The following ASTN2 variants were observed in gnomAD, a reference collection of about 807,000 sequenced individuals.
The protein encoded by ASTN2 is astrotactin 2.
Under a neutral mutation model 139.8 loss-of-function variants are expected in ASTN2, and 54 were observed. The observed-to-expected ratio is 0.39, with a 90% CI of 0.31 to 0.48. ASTN2 has a LOEUF of 0.48. Among genes scored for constraint, ASTN2 ranks in the 20% least tolerant of loss-of-function variants. The probability of loss-of-function intolerance (pLI) is 0.95; values close to 1 mark genes in which losing one functional copy is unlikely to be tolerated. For synonymous variants in ASTN2, 756 were observed against 719.5 expected (o/e 1.05, Z -0.81); for missense variants, 1,565 against 1,725.1 (o/e 0.91, Z 1.64).
At chr9:116,647,157 G>A (rs1282847515) in intron 17 of ASTN2, among the ~76,000 whole-genome samples, 2 of 151,964 alleles carry the variant, frequency 1.3e-5, no homozygotes, top group African/African-American at 2.4e-5. Context: ...CTTAATACAC[G>A]CTTGCAATCC....
chr9:116,955,575 G>A (rs1835683142), intron 10 of ASTN2, among the ~76,000 whole-genome samples: 1 of 152,216 alleles, frequency 6.6e-6, no homozygotes, highest in Non-Finnish European at 1.5e-5. Flanking sequence ...TATCTTCTGA[G>A]CAGGGCTCTG....
chr9:116,633,256 C>A (rs548480555), intron 17 of ASTN2, among the ~76,000 whole-genome samples: 1 of 152,196 alleles, frequency 6.6e-6, no homozygotes, highest in Non-Finnish European at 1.5e-5. Context: ...GAGTCATCTT[C>A]CCAAGGCATC....
chr9:117,033,904 A>G (rs1479781096), intron 6 of ASTN2, among the ~76,000 whole-genome samples: 1 of 152,168 alleles, frequency 6.6e-6, no homozygotes, highest in East Asian at 1.9e-4. Context: ...GTGCTACTCA[A>G]TAGATAACAG....
Position 116,606,222 on chromosome 9 carries a change from A to G in ASTN2, c.3355+12102T>C, listed in dbSNP as rs527357223. ...CTCAAAACAACTGGAACAGGAGACT[A>G]CTTATGCTTGGCTTTCCTAACAGCG... On this transcript the variant is annotated intron_variant, in intron 19 of 22. Transcript: ENST00000313400. Among the ~76,000 whole-genome samples, 11 of 152,256 alleles carry G rather than the reference A, an allele frequency of 7.2e-5. No individual in the cohort carries two copies. In the East Asian group the frequency reaches 2.1e-3, roughly 29 times the overall value.
intron 19 of ASTN2, among the ~76,000 whole-genome samples, chr9:116,562,574 T>A (rs1588005901): frequency 6.6e-6 from 1 of 150,796 alleles, no homozygotes; most frequent in East Asian, 2.0e-4. Context: ...CCATCTCTAC[T>A]AAGAAAAAAA....
At chr9:117,039,670 C>T in intron 6 of ASTN2, 149 bp downstream of exon 6, 1 of 725,086 alleles carries the variant, frequency 1.4e-6, no homozygotes, top group Non-Finnish European at 1.9e-6. Flanking sequence ...GGATAAGATC[C>T]TCTTCCAAGG....
intron 2 of ASTN2, among the ~76,000 whole-genome samples, chr9:117,254,471 C>T (rs1833627745): frequency 6.6e-6 from 1 of 152,178 alleles, no homozygotes; most frequent in African/African-American, 2.4e-5. Context: ...TCCTGAGCAC[C>T]TCTGAAGGGT....
chr9:116,651,462 T>A, intron 17 of ASTN2, 66 bp downstream of exon 17: 1 of 1,560,282 alleles, frequency 6.4e-7, no homozygotes, highest in Non-Finnish European at 8.7e-7. Flanking sequence ...GGACAAAGGG[T>A]CCACAAGGGT....
intron 15 of ASTN2, among the ~76,000 whole-genome samples, chr9:116,728,183 T>C (rs1374823875): frequency 6.6e-6 from 1 of 152,136 alleles, no homozygotes; most frequent in Non-Finnish European, 1.5e-5. Flanking sequence ...AACGTGCTAA[T>C]CTTTGTTAGT....
chr9:116,887,459 C>A (rs555180252), intron 10 of ASTN2, among the ~76,000 whole-genome samples: 1 of 151,448 alleles, frequency 6.6e-6, no homozygotes, highest in Admixed American at 6.6e-5. Flanking sequence ...AGGAAAAAAA[C>A]GTGTTACAAG....
intron 19 of ASTN2, chr9:116,583,347 T>G (rs1854024861): frequency 6.6e-6 from 1 of 152,236 alleles, no homozygotes; most frequent in Admixed American, 6.5e-5. Context: ...TGGAATGCCA[T>G]GATCTCCCTC....
At chr9:116,972,852 C>G (rs73517408) in intron 10 of ASTN2, among the ~76,000 whole-genome samples, 2 of 152,154 alleles carry the variant, frequency 1.3e-5, no homozygotes, top group Admixed American at 1.3e-4. Flanking sequence ...CTTCCGTTTC[C>G]CTTTGACTCT....
intron 6 of ASTN2, among the ~76,000 whole-genome samples, chr9:117,020,796 G>A (rs1999597): frequency 0.67 from 101,680 of 152,040 alleles, 35,022 homozygotes; most frequent in Middle Eastern, 0.8. Context: ...GGCCCTTAGC[G>A]TGCAATCAGT....
intron 10 of ASTN2, among the ~76,000 whole-genome samples, chr9:116,939,588 T>C (rs944071282): frequency 1.3e-5 from 2 of 152,144 alleles, no homozygotes; most frequent in Non-Finnish European, 2.9e-5. Flanking sequence ...TAAACAGAAA[T>C]AAAATCATTT....
At chr9:116,477,986 C>A (rs560179488) in intron 20 of ASTN2, among the ~76,000 whole-genome samples, 3 of 149,424 alleles carry the variant, frequency 2.0e-5, no homozygotes, top group African/African-American at 7.4e-5. Context: ...AGAGAAGAAA[C>A]AGAGGGCAGA....
At chr9:117,256,940 A>T (rs531418956) in intron 2 of ASTN2, among the ~76,000 whole-genome samples, 2 of 152,180 alleles carry the variant, frequency 1.3e-5, no homozygotes, top group Admixed American at 6.5e-5. Context: ...AAAACCTGGA[A>T]TAAAATTTGA....
chr9:117,242,399 T>C (rs1833242778), intron 2 of ASTN2, among the ~76,000 whole-genome samples: 1 of 152,172 alleles, frequency 6.6e-6, no homozygotes, highest in African/African-American at 2.4e-5. Context: ...TAGTACTTGA[T>C]GTACTTAATA....
intron 10 of ASTN2, among the ~76,000 whole-genome samples, chr9:116,954,855 T>A (rs1207828933): frequency 6.6e-6 from 1 of 152,204 alleles, no homozygotes. Flanking sequence ...AGGAACTTGT[T>A]AGACATTCAA....
chr9:117,139,072 G>A (rs1365158931), intron 4 of ASTN2, among the ~76,000 whole-genome samples: 1 of 152,146 alleles, frequency 6.6e-6, no homozygotes, highest in African/African-American at 2.4e-5. Flanking sequence ...CTATAGACTT[G>A]GAGTCAAGAG....
Sources: allele counts gnomAD v4.1 joint callset (sites outside exome capture counted in the v4.1 genomes callset), GRCh38; gene constraint gnomAD v4.1.1; transcripts MANE v1.5; gene names NCBI Gene and HGNC (gene_info 2026-07-23, HGNC 2026-07-21).